Variants in ASPH observed in about 807,000 individuals in gnomAD.
The protein encoded by ASPH is aspartate beta-hydroxylase.
ASPH carries 100 observed loss-of-function variants against 118.4 expected under a neutral mutation model. The ratio of observed to expected loss-of-function variants is 0.84; its 90% CI spans 0.72 to 1.00. ASPH has a LOEUF of 1.00. ASPH is among the 50% of genes least tolerant of loss of function. The pLI is 0.00. For missense variants in ASPH, 920 were observed against 919.5 expected, an observed-to-expected ratio of 1.00 and a Z score of -0.01; for synonymous variants, 315 against 325.6, an observed-to-expected ratio of 0.97 and a Z score of 0.35.
At chr8:61,704,990 CAT>C (rs754652431) in intron 1 of ASPH, among the ~76,000 whole-genome samples, 20 of 152,114 alleles carry the variant, frequency 1.3e-4, no homozygotes, top group Non-Finnish European at 2.4e-4. Flanking sequence ...GAAATAAAAA[CAT>C]ATGTCAAAAA....
intron 3 of ASPH, chr8:61,680,494 T>C (rs1381646913): frequency 1.3e-5 from 2 of 151,888 alleles, no homozygotes. Context: ...GTTCATATTT[T>C]AATGCTACCG....
intron 1 of ASPH, among the ~76,000 whole-genome samples, chr8:61,694,934 C>T (rs554346352): frequency 1.3e-4 from 20 of 152,272 alleles, no homozygotes; most frequent in African/African-American, 4.8e-4. Flanking sequence ...GACAAAAACA[C>T]CAGGATTCAT....
At chr8:61,679,472 T>G (rs1456979160) in intron 3 of ASPH, among the ~76,000 whole-genome samples, 1 of 152,108 alleles carries the variant, frequency 6.6e-6, no homozygotes, top group African/African-American at 2.4e-5. Context: ...TAGTTTGCTA[T>G]AGAAATCAGT....
intron 15 of ASPH, among the ~76,000 whole-genome samples, chr8:61,582,460 C>T (rs1402345243): frequency 6.6e-6 from 1 of 152,154 alleles, no homozygotes; most frequent in African/African-American, 2.4e-5. Context: ...TTAAGAAATA[C>T]AAACTGACCA....
intron 3 of ASPH, chr8:61,676,013 A>G: frequency 6.3e-7 from 1 of 1,582,246 alleles, no homozygotes; most frequent in Non-Finnish European, 8.5e-7. Flanking sequence ...CCAAGGAAAG[A>G]AAAGAAAAAG....
intron 12 of ASPH, among the ~76,000 whole-genome samples, chr8:61,636,478 G>C (rs1588438146): frequency 6.6e-6 from 1 of 152,262 alleles, no homozygotes; most frequent in East Asian, 1.9e-4. Context: ...GGAAAACAAG[G>C]TTGGTTGCTG....
intron 22 of ASPH, among the ~76,000 whole-genome samples, chr8:61,521,968 G>A (rs1291109228): frequency 6.6e-6 from 1 of 150,978 alleles, no homozygotes; most frequent in Non-Finnish European, 1.5e-5. Flanking sequence ...AGGACTTAGA[G>A]GTTCAGCCTC....
At chr8:61,689,042 G>A (rs927956079) in intron 1 of ASPH, among the ~76,000 whole-genome samples, 9 of 152,138 alleles carry the variant, frequency 5.9e-5, no homozygotes, top group African/African-American at 2.2e-4. Flanking sequence ...TCAACATAAT[G>A]AGTGAATGCA....
In ASPH at chr8:61,556,019, G is replaced by A. The variant is rs772004836; in HGVS notation, c.1441C>T (p.Leu481=). Residue 481 remains leucine (L), a synonymous_variant, in exon 19 of 25, where the codon CTG becomes TTG. Transcript: ENST00000379454. ...DNAKKVYEEV[L]SVTPNDGFAK... ...AAGCCATCATTAGGTGTCACACTCA[G>A]CACCTAAACTCAAAGAAAACACAGA... 1 of 1,612,768 alleles carries A rather than the reference G, an allele frequency of 6.2e-7. No individual in the cohort carries two copies. The highest frequency in any genetic ancestry group is 8.5e-7 in the Non-Finnish European group (1 of 1,179,306).
At chr8:61,565,259 TA>T (rs1487729196) in intron 17 of ASPH, among the ~76,000 whole-genome samples, 1 of 152,178 alleles carries the variant, frequency 6.6e-6, no homozygotes, top group Non-Finnish European at 1.5e-5. Flanking sequence ...TTTTCCTTGA[TA>T]TAGGGTCAAA....
At chr8:61,640,655 TCTACTACC>T (rs1455867138) in intron 10 of ASPH, among the ~76,000 whole-genome samples, 1 of 152,214 alleles carries the variant, frequency 6.6e-6, no homozygotes, top group Admixed American at 6.5e-5. Flanking sequence ...TTGTTTAATT[TCTACTACC>T]CTACTAAAAT....
intron 5 of ASPH, among the ~76,000 whole-genome samples, chr8:61,648,166 T>C (rs558207582): frequency 2.5e-4 from 38 of 152,346 alleles, no homozygotes; most frequent in African/African-American, 8.9e-4. Context: ...GTAACATTGT[T>C]ATGAAGATTA....
intron 21 of ASPH, among the ~76,000 whole-genome samples, chr8:61,533,879 T>C (rs1343030830): frequency 6.6e-6 from 1 of 152,242 alleles, no homozygotes; most frequent in Non-Finnish European, 1.5e-5. Context: ...ATTCTTGTAT[T>C]GTCATTTAAG....
intron 15 of ASPH, chr8:61,578,076 T>G: frequency 1.1e-6 from 1 of 902,214 alleles, no homozygotes; most frequent in Non-Finnish European, 1.6e-6. Context: ...AGCAAATCAG[T>G]TACTTCTAAG....
intron 15 of ASPH, among the ~76,000 whole-genome samples, chr8:61,582,700 CAT>C (rs1837958561): frequency 6.6e-6 from 1 of 152,192 alleles, no homozygotes. Flanking sequence ...TTTCAATAAA[CAT>C]GCGGACGTAC....
Position 61,562,762 on chromosome 8 carries a change from T to C in ASPH, c.1419A>G (p.Ala473=), listed in dbSNP as rs1830446353. ...TGCTTACCTCTTCATAAACTTTCTT[T>C]GCATTGTCATTATCTCCTATCAAGA... The part of the protein sequence containing the change: ...GYLLIGDNDN[A]KKVYEEVLSV... Residue 473 remains alanine (A), a synonymous_variant, in exon 18 of 25, where the codon GCA becomes GCG. Transcript: ENST00000379454. 6.2e-7 allele frequency: 1 copy of C among 1,607,684 alleles called. No individual in the cohort carries two copies. The highest frequency in any genetic ancestry group is 1.3e-5 in the African/African-American group (1 of 74,604).
At chr8:61,646,648 G>T in intron 6 of ASPH, 102 bp downstream of exon 6, 1 of 1,257,464 alleles carries the variant, frequency 8.0e-7, no homozygotes. Flanking sequence ...AAAAATCTAA[G>T]CAAAAGTTAA....
At position 61,518,142 on chromosome 8, in the gene ASPH, T is replaced by C; in HGVS notation, c.1901-19A>G. The C allele has an allele frequency of 6.2e-7, 1 of 1,602,186 alleles. No homozygotes were observed. Among genetic ancestry groups the C allele is most frequent in the Non-Finnish European group, 8.6e-7 (1 of 1,169,480 alleles). ...CTTCTTCCTAGAATAAATAACATAA[T>C]TGTTGGAAACAAATCACAGTAAAGC... On this transcript the variant is annotated intron_variant, in intron 22 of 24. Coordinates refer to ENST00000379454, the MANE Select transcript of ASPH (RefSeq NM_004318.4).
At chr8:61,712,818 T>TA (rs1838360708) in intron 1 of ASPH, among the ~76,000 whole-genome samples, 1 of 152,192 alleles carries the variant, frequency 6.6e-6, no homozygotes, top group African/African-American at 2.4e-5. Flanking sequence ...CCTCTCCTCA[T>TA]AAACACAAAA....
Sources: gnomAD v4.1 joint callset for allele counts (sites outside exome capture counted in the v4.1 genomes callset) on GRCh38, gnomAD v4.1.1 for gene constraint, MANE v1.5 for transcripts, NCBI Gene and HGNC (gene_info 2026-07-23, HGNC 2026-07-21) for gene names.